CPEB1: variants seen among roughly 807,000 people sequenced by gnomAD.
CPEB1 encodes cytoplasmic polyadenylation element binding protein 1, also known as cytoplasmic polyadenylation element-binding protein 1.
CPEB1 carries 7 observed loss-of-function variants against 65.8 expected under a neutral mutation model. The observed-to-expected ratio is 0.11, with a 90% confidence interval of 0.06 to 0.20. The LOEUF is 0.20. Among genes scored for constraint, CPEB1 ranks in the 10% least tolerant of loss-of-function variants. The pLI is 1.00. For missense variants in CPEB1, 551 were observed against 712.2 expected (o/e 0.77, Z 2.58); for synonymous variants, 262 against 260.0 (o/e 1.01, Z -0.08).
intron 1 of CPEB1, among the ~76,000 whole-genome samples, chr15:82,632,487 G>A (rs1460685453): frequency 1.3e-5 from 2 of 151,858 alleles, no homozygotes; most frequent in Admixed American, 6.6e-5. Flanking sequence ...AGGGCTGCTC[G>A]ACATGTGTAC....
At chr15:82,619,759 C>T (rs1036257604) in intron 3 of CPEB1, among the ~76,000 whole-genome samples, 2 of 151,996 alleles carry the variant, frequency 1.3e-5, no homozygotes, top group African/African-American at 2.4e-5. Flanking sequence ...CCCAAAATGG[C>T]TAAAATGAAA....
intron 3 of CPEB1, among the ~76,000 whole-genome samples, chr15:82,626,004 C>G (rs2045737508): frequency 6.6e-6 from 1 of 151,466 alleles, no homozygotes; most frequent in Non-Finnish European, 1.5e-5. Flanking sequence ...CCTGTAATCC[C>G]AGCTACTTGG....
At chr15:82,624,999 A>G (rs2045634099) in intron 3 of CPEB1, among the ~76,000 whole-genome samples, 1 of 152,008 alleles carries the variant, frequency 6.6e-6, no homozygotes, top group South Asian at 2.1e-4. Flanking sequence ...ACATCTGGCT[A>G]ATTTTTCTAT....
In CPEB1 at chr15:82,558,138, T is replaced by C. The variant is rs1321387616; in HGVS notation, c.461-152A>G. 4 of 557,040 alleles carry C rather than the reference T, an allele frequency of 7.2e-6. No homozygotes were observed. In the African/African-American group the frequency reaches 7.6e-5, roughly 11 times the overall value. 34.5% of individuals were successfully genotyped at this position (557,040 alleles called of 1,614,324 possible). ...ACACAATATAATGAACAGATATATATCCAGCTCTGAGACCTGGCCGCAAGG... is the reference window on the plus strand; with the variant it reads ...ACACAATATAATGAACAGATATATACCCAGCTCTGAGACCTGGCCGCAAGG... On this transcript the variant is annotated intron_variant, in intron 4 of 12. Coordinates refer to ENST00000684509, the MANE Select transcript of CPEB1 (RefSeq NM_001365242.1).
chr15:82,638,557 T>A (rs1213892851), intron 1 of CPEB1: 1 of 152,176 alleles, frequency 6.6e-6, no homozygotes, highest in Non-Finnish European at 1.5e-5. Flanking sequence ...ATGAAGTGAC[T>A]GACTTACTTG....
In CPEB1 at chr15:82,645,447, C is replaced by T. The variant is rs149487387; in HGVS notation, c.-98+1690G>A. On this transcript the variant is annotated intron_variant, in intron 1 of 12. Coordinates refer to ENST00000684509, the MANE Select transcript of CPEB1 (RefSeq NM_001365242.1). ...GGATTAAAGGCGTGAGTCATGGGGC[C>T]GGGCCGTACTTTTTTATTACAAAGG... Among the ~76,000 whole-genome samples, 260 of 152,186 alleles carry T rather than the reference C, an allele frequency of 1.7e-3. 8 individuals are homozygous for T. In the South Asian group the frequency reaches 0.033, roughly 19 times the overall value.
At chr15:82,629,250 T>C (rs1281734124) in intron 1 of CPEB1, 3 of 985,060 alleles carry the variant, frequency 3.0e-6, no homozygotes, top group Admixed American at 6.1e-5. Context: ...ATGTAAAGCA[T>C]TTTGCATGGC....
At position 82,546,034 on chromosome 15, in the gene CPEB1, A is replaced by G. The variant is rs577801763; in HGVS notation, c.1656+407T>C. On this transcript the variant is annotated intron_variant, in intron 12 of 12. Coordinates refer to ENST00000684509, the MANE Select transcript of CPEB1 (RefSeq NM_001365242.1). ...TGTCCCGGTCTGACCTTCAGCAAAC[A>G]TTACTGCTGCCTCCTCTATGCTCTC... Among the ~76,000 whole-genome samples, 8 of 152,288 alleles carry G rather than the reference A, an allele frequency of 5.3e-5. No individual in the cohort carries two copies. In the East Asian group the frequency reaches 1.5e-3, roughly 29 times the overall value.
intron 3 of CPEB1, among the ~76,000 whole-genome samples, chr15:82,576,940 G>T (rs537243776): frequency 6.6e-6 from 1 of 152,244 alleles, no homozygotes; most frequent in South Asian, 2.1e-4. Flanking sequence ...TGGAAGGATC[G>T]CTTGAGCCTA....
chr15:82,557,774 G>A lies in CPEB1; in HGVS notation c.673C>T (p.Leu225Phe). The change falls in exon 5 of 13, where the codon CTC (leucine) becomes TTC (phenylalanine). Residue 225 changes from leucine (L) to phenylalanine (F), a missense_variant. Physicochemically the swap from Leu to Phe is conservative, Grantham distance 22. Transcript: ENST00000684509. ...TSGFSSGSDH[L>F]SDLISSLRIS... is the part of the protein sequence containing the mutation. The stretch of plus-strand genomic sequence containing the variant: ...GAGTTACATACAATCAAATCTGAGA[G>A]ATGATCTGATCCAGAGCTGAAGCCA... 3 of 1,613,798 alleles carry A rather than the reference G, an allele frequency of 1.9e-6. No homozygotes were observed. The highest frequency in any genetic ancestry group is 2.5e-6 in the Non-Finnish European group (3 of 1,179,792).
At chr15:82,636,424 G>A (rs1459067105) in intron 1 of CPEB1, among the ~76,000 whole-genome samples, 1 of 152,068 alleles carries the variant, frequency 6.6e-6, no homozygotes, top group Non-Finnish European at 1.5e-5. Flanking sequence ...ACTTTCTCCT[G>A]GCTCTCCCTT....
At chr15:82,598,402 G>A (rs2042834122) in intron 3 of CPEB1, among the ~76,000 whole-genome samples, 1 of 152,180 alleles carries the variant, frequency 6.6e-6, no homozygotes, top group African/African-American at 2.4e-5. Flanking sequence ...GCTGAAGCAG[G>A]AGAATCGCTT....
At chr15:82,612,215 A>T (rs1450361441) in intron 3 of CPEB1, among the ~76,000 whole-genome samples, 1 of 152,110 alleles carries the variant, frequency 6.6e-6, no homozygotes, top group Non-Finnish European at 1.5e-5. Flanking sequence ...TAGAAATTTG[A>T]GCCAGGTGCG....
chr15:82,559,608 G>A (rs888344480), intron 4 of CPEB1, among the ~76,000 whole-genome samples: 13 of 152,146 alleles, frequency 8.5e-5, no homozygotes, highest in African/African-American at 2.7e-4. Flanking sequence ...GGGTGGGGTG[G>A]AGCCACAGCA....
chr15:82,544,414 C>T lies in CPEB1; in HGVS notation c.*178G>A. Reference sequence around the variant, plus strand: ...CCCCTGAAAACAAAACCTGACAAAACTCAATGTGCATTAATTAGTGCAGAA... The same window carrying T: ...CCCCTGAAAACAAAACCTGACAAAATTCAATGTGCATTAATTAGTGCAGAA... On this transcript the variant is annotated 3_prime_UTR_variant, in exon 13 of 13. Coordinates refer to ENST00000684509, the MANE Select transcript of CPEB1 (RefSeq NM_001365242.1). The T allele has an allele frequency of 2.2e-6, 1 of 453,484 alleles. No homozygotes were observed. Among genetic ancestry groups the T allele is most frequent in the Non-Finnish European group, 4.1e-6 (1 of 246,534 alleles). The allele number at this position is 453,484 out of a possible 1,614,324, so 28.1% of individuals were successfully genotyped here.
intron 3 of CPEB1, among the ~76,000 whole-genome samples, chr15:82,625,466 TAAATA>T (rs2045678696): frequency 6.6e-6 from 1 of 152,160 alleles, no homozygotes; most frequent in Admixed American, 6.5e-5. Flanking sequence ...GTTAAAAAAA[TAAATA>T]AAAGAATTTA....
intron 1 of CPEB1, among the ~76,000 whole-genome samples, chr15:82,637,125 C>T (rs1243916036): frequency 2.6e-5 from 4 of 152,184 alleles, no homozygotes; most frequent in Non-Finnish European, 5.9e-5. Flanking sequence ...CCCAGTGCTC[C>T]ATTAACTAGG....
chr15:82,590,658 A>G (rs1465931123), intron 3 of CPEB1, among the ~76,000 whole-genome samples: 3 of 152,028 alleles, frequency 2.0e-5, no homozygotes, highest in African/African-American at 7.2e-5. Context: ...CCCACCCAAC[A>G]TCCTCAAATG....
At chr15:82,641,417 G>A (rs1489152534) in intron 1 of CPEB1, among the ~76,000 whole-genome samples, 2 of 152,180 alleles carry the variant, frequency 1.3e-5, no homozygotes, top group African/African-American at 2.4e-5. Flanking sequence ...GCCCTTCACA[G>A]TAACTGTTCT....
Sources: gnomAD v4.1 joint callset for allele counts (sites outside exome capture counted in the v4.1 genomes callset) on GRCh38, gnomAD v4.1.1 for gene constraint, MANE v1.5 for transcripts, NCBI Gene and HGNC (gene_info 2026-07-23, HGNC 2026-07-21) for gene names.